Variants in CLVS1 observed in about 807,000 individuals in gnomAD.
CLVS1 encodes clavesin-1.
In CLVS1, 10 loss-of-function variants were observed where a neutral mutation model predicts 33.1. The observed-to-expected ratio is 0.30, with a 90% CI of 0.19 to 0.51. The LOEUF (loss-of-function observed/expected upper bound fraction) is 0.51, where lower values mean the gene tolerates loss of function less well. CLVS1 is among the 20% of genes least tolerant of loss of function. CLVS1 has a pLI of 0.97. For synonymous variants in CLVS1, 163 were observed against 166.1 expected (o/e 0.98, Z 0.14); for missense variants, 343 against 433.4 (o/e 0.79, Z 1.85).
chr8:61,335,090 T>G (rs938229127), intron 2 of CLVS1, among the ~76,000 whole-genome samples: 1 of 152,178 alleles, frequency 6.6e-6, no homozygotes, highest in African/African-American at 2.4e-5. Flanking sequence ...CAAGATCAAG[T>G]GAGCCAGTTT....
At chr8:61,015,455 G>A in the CLVS1 span, among the ~76,000 whole-genome samples, 1 of 152,218 alleles carries the variant, frequency 6.6e-6, no homozygotes, top group Non-Finnish European at 1.5e-5. Flanking sequence ...GGGCTCAGCT[G>A]CTCAATGTGA....
At chr8:61,408,016 GTATT>G (rs1815058164) in intron 3 of CLVS1, among the ~76,000 whole-genome samples, 1 of 152,150 alleles carries the variant, frequency 6.6e-6, no homozygotes, top group Non-Finnish European at 1.5e-5. Flanking sequence ...CTTTATATTA[GTATT>G]TACAAAGGTC....
At chr8:61,377,506 T>C in intron 3 of CLVS1, 1 of 152,248 alleles carries the variant, frequency 6.6e-6, no homozygotes, top group Non-Finnish European at 1.5e-5. Flanking sequence ...CTGTCCCTTC[T>C]TAATTTCATA....
the CLVS1 span, among the ~76,000 whole-genome samples, chr8:60,991,995 G>A: frequency 4.8e-4 from 73 of 152,170 alleles, no homozygotes; most frequent in African/African-American, 1.6e-3. Context: ...TGATCCACCC[G>A]CCTTGGCCTC....
At chr8:61,030,464 G>C in the CLVS1 span, among the ~76,000 whole-genome samples, 2 of 152,206 alleles carry the variant, frequency 1.3e-5, no homozygotes, top group Non-Finnish European at 2.9e-5. Flanking sequence ...GGGAAATAAA[G>C]GCGACTGCAT....
chr8:61,398,713 C>A (rs1036560484), intron 3 of CLVS1, among the ~76,000 whole-genome samples: 1 of 152,058 alleles, frequency 6.6e-6, no homozygotes, highest in Non-Finnish European at 1.5e-5. Flanking sequence ...CCCTAACTAA[C>A]CCTCCGACAG....
At chr8:61,232,028 T>TG (rs140778823) in intron 2 of CLVS1, among the ~76,000 whole-genome samples, 1,847 of 114,644 alleles carry the variant, frequency 0.016, 207 homozygotes, top group African/African-American at 0.061. Context: ...TTGTGGTTTT[T>TG]TTTTTTTTTT....
chr8:60,990,201 C>A, the CLVS1 span, among the ~76,000 whole-genome samples: 2 of 142,468 alleles, frequency 1.4e-5, no homozygotes, highest in Non-Finnish European at 3.0e-5. Context: ...ACTATGAACA[C>A]AATGTTCAGG....
chr8:61,253,711 A>G (rs1246027097), intron 2 of CLVS1, among the ~76,000 whole-genome samples: 1 of 152,168 alleles, frequency 6.6e-6, no homozygotes, highest in Non-Finnish European at 1.5e-5. Flanking sequence ...AGTTGATCAA[A>G]TCAGCTACTG....
In CLVS1 at chr8:61,458,290, T is replaced by A. The variant is rs1586003196; in HGVS notation, c.742-17T>A. 2.5e-6 allele frequency: 4 copies of A among 1,579,974 alleles called. No homozygotes were observed. Among genetic ancestry groups the A allele is most frequent in the Middle Eastern group, 1.7e-4 (1 of 5,922 alleles). ...TTTGGATTTTGTATTGCTAATTACT[T>A]TTTGTTTTCTTTACAGATTTTCCTG... On this transcript the variant is annotated splice_polypyrimidine_tract_variant and intron_variant, in intron 4 of 5. Coordinates refer to ENST00000325897, the MANE Select transcript of CLVS1 (RefSeq NM_173519.3).
chr8:61,024,940 C>T, the CLVS1 span, among the ~76,000 whole-genome samples: 3 of 151,860 alleles, frequency 2.0e-5, no homozygotes, highest in Non-Finnish European at 2.9e-5. Context: ...CTCTGCTTCC[C>T]GGGTTCAAGC....
chr8:61,212,593 G>T (rs1807993945), intron 2 of CLVS1, among the ~76,000 whole-genome samples: 3 of 152,190 alleles, frequency 2.0e-5, no homozygotes, highest in Admixed American at 2.0e-4. Context: ...GGGAGGAAGG[G>T]ATTGGAAAGA....
intron 2 of CLVS1, among the ~76,000 whole-genome samples, chr8:61,233,752 G>A (rs1039104310): frequency 4.6e-5 from 7 of 152,326 alleles, no homozygotes; most frequent in African/African-American, 1.7e-4. Context: ...CAGTGTCCGT[G>A]GAGCCCAAGG....
At chr8:60,986,650 C>T in the CLVS1 span, among the ~76,000 whole-genome samples, 11 of 152,342 alleles carry the variant, frequency 7.2e-5, no homozygotes, top group African/African-American at 2.2e-4. Context: ...CTACCTGAAG[C>T]GTTCCAAATT....
the CLVS1 span, chr8:60,967,817 C>T: frequency 1.0e-5 from 4 of 384,730 alleles, no homozygotes; most frequent in South Asian, 7.7e-5. Flanking sequence ...CTAGCTTTGC[C>T]TAATTGCTCT....
chr8:61,114,191 C>CA (rs35204353), intron 1 of CLVS1, among the ~76,000 whole-genome samples: 2 of 152,294 alleles, frequency 1.3e-5, no homozygotes, highest in South Asian at 2.1e-4. Flanking sequence ...ATTTAAAATG[C>CA]AAAAATCATC....
chr8:61,493,539 C>T (rs1345070559), intron 5 of CLVS1, among the ~76,000 whole-genome samples: 1 of 152,154 alleles, frequency 6.6e-6, no homozygotes, highest in Non-Finnish European at 1.5e-5. Context: ...GCCGAATTCA[C>T]CCAAGATCAC....
intron 2 of CLVS1, among the ~76,000 whole-genome samples, chr8:61,201,624 G>A (rs1339851346): frequency 1.3e-5 from 2 of 152,192 alleles, no homozygotes; most frequent in South Asian, 2.1e-4. Flanking sequence ...GGTCAGTAAT[G>A]TGATGGGCCA....
rs150500343 is a variant in CLVS1 at position 61,390,559 on chromosome 8, A to T, written c.630+13780A>T. Among the ~76,000 whole-genome samples the T allele has an allele frequency of 1.9e-3, 282 of 152,340 alleles. 1 individual carries two copies. The highest frequency in any genetic ancestry group is 6.3e-3 in the African/African-American group (264 of 41,578). On this transcript the variant is annotated intron_variant, in intron 3 of 5. Coordinates refer to ENST00000325897, the MANE Select transcript of CLVS1 (RefSeq NM_173519.3). ...GAACCCAAACCAACACTGGGTACCAAACACAAGTTTTTGTTACTTGTAGCC... is the reference window on the plus strand; with the variant it reads ...GAACCCAAACCAACACTGGGTACCATACACAAGTTTTTGTTACTTGTAGCC...
Sources: allele counts gnomAD v4.1 joint callset (sites outside exome capture counted in the v4.1 genomes callset), GRCh38; gene constraint gnomAD v4.1.1; transcripts MANE v1.5; gene names NCBI Gene and HGNC (gene_info 2026-07-23, HGNC 2026-07-21).